Variants in PPM1E observed in about 807,000 individuals in gnomAD.
The protein encoded by PPM1E is protein phosphatase, Mg2+/Mn2+ dependent 1E.
A neutral mutation model predicts 65.9 loss-of-function variants in PPM1E; 20 were observed. The observed-to-expected ratio is 0.30, with a 90% confidence interval of 0.21 to 0.44. PPM1E has a LOEUF of 0.44. PPM1E is among the 20% of genes least tolerant of loss of function. PPM1E has a pLI of 1.00. For missense variants in PPM1E, 713 were observed against 953.1 expected (o/e 0.75, Z 3.32); for synonymous variants, 352 against 374.9 (o/e 0.94, Z 0.70).
At chr17:58,802,495 A>G (rs925438215) in intron 1 of PPM1E, among the ~76,000 whole-genome samples, 1 of 152,214 alleles carries the variant, frequency 6.6e-6, no homozygotes, top group East Asian at 1.9e-4. Flanking sequence ...TTCTTTCTCT[A>G]GATTGCTTTA....
intron 1 of PPM1E, among the ~76,000 whole-genome samples, chr17:58,782,035 A>G (rs1047085302): frequency 4.6e-5 from 7 of 152,194 alleles, no homozygotes; most frequent in Non-Finnish European, 1.0e-4. Context: ...CAGATAAAGG[A>G]TTAAATGAAG....
chr17:58,861,335 A>G (rs2050940255), intron 1 of PPM1E, among the ~76,000 whole-genome samples: 1 of 152,238 alleles, frequency 6.6e-6, no homozygotes, highest in South Asian at 2.1e-4. Context: ...CTTGCAAAGG[A>G]TGACCTTCTC....
chr17:58,895,014 C>T (rs943429799), intron 1 of PPM1E, among the ~76,000 whole-genome samples: 2 of 152,098 alleles, frequency 1.3e-5, no homozygotes, highest in Non-Finnish European at 2.9e-5. Flanking sequence ...TTTTCAACAG[C>T]GTGTGATCAC....
At chr17:58,801,401 C>T (rs544982428) in intron 1 of PPM1E, among the ~76,000 whole-genome samples, 4 of 151,086 alleles carry the variant, frequency 2.6e-5, no homozygotes, top group African/African-American at 7.3e-5. Flanking sequence ...ATAAATGTCC[C>T]CCTTTATCTC....
intron 1 of PPM1E, among the ~76,000 whole-genome samples, chr17:58,813,435 T>C (rs1278110038): frequency 6.6e-6 from 1 of 152,180 alleles, no homozygotes; most frequent in East Asian, 1.9e-4. Context: ...TCGTGCTGGA[T>C]CATTTGCTTT....
intron 1 of PPM1E, among the ~76,000 whole-genome samples, chr17:58,909,924 C>CTTTTTTTTTTTTTTTTTTT (rs35833275): frequency 3.4e-4 from 31 of 90,032 alleles, no homozygotes; most frequent in Non-Finnish European, 4.8e-4. Flanking sequence ...TTTTCTTTTT[C>CTTTTTTTTTTTTTTTTTTT]TTTTTTTTTT....
chr17:58,856,385 T>G (rs1435522149), intron 1 of PPM1E, among the ~76,000 whole-genome samples: 2 of 152,096 alleles, frequency 1.3e-5, no homozygotes, highest in Admixed American at 1.3e-4. Context: ...ATTACAGGCC[T>G]GCGCCACCAT....
chr17:58,788,606 G>C (rs1376048111), intron 1 of PPM1E, among the ~76,000 whole-genome samples: 1 of 152,156 alleles, frequency 6.6e-6, no homozygotes, highest in Non-Finnish European at 1.5e-5. Flanking sequence ...ACATTTAAAA[G>C]AATGTTCAAT....
At chr17:58,922,511 C>T (rs549469078) in intron 1 of PPM1E, among the ~76,000 whole-genome samples, 2 of 152,160 alleles carry the variant, frequency 1.3e-5, no homozygotes, top group South Asian at 4.1e-4. Context: ...ACTTCAGTCT[C>T]CTAAAGTGTT....
chr17:58,878,175 G>A (rs1163334268), intron 1 of PPM1E, among the ~76,000 whole-genome samples: 3 of 152,080 alleles, frequency 2.0e-5, no homozygotes, highest in African/African-American at 4.8e-5. Flanking sequence ...ACTAAATTCA[G>A]TAAAAAACCT....
intron 1 of PPM1E, among the ~76,000 whole-genome samples, chr17:58,938,018 GA>G (rs1314716517): frequency 4.6e-5 from 7 of 151,926 alleles, no homozygotes; most frequent in African/African-American, 1.5e-4. Flanking sequence ...TAATGTTTCA[GA>G]ATACACCCAC....
rs372589817 is a variant in PPM1E at position 58,890,340 on chromosome 17, C to T, written c.465-65309C>T. ...GCATATCAGCATTATGCATGGGGAA[C>T]GTTGTAAACAGCAAGGTTATCAGCA... On this transcript the variant is annotated intron_variant, in intron 1 of 6. Coordinates refer to ENST00000308249, the MANE Select transcript of PPM1E (RefSeq NM_014906.5). 2.0e-4 allele frequency among the ~76,000 whole-genome samples: 31 copies of T among 152,108 alleles called. No individual in the cohort carries two copies. In the South Asian group the frequency reaches 2.9e-3, roughly 14 times the overall value.
intron 6 of PPM1E, among the ~76,000 whole-genome samples, chr17:58,978,025 C>T (rs564134799): frequency 3.3e-5 from 5 of 152,246 alleles, no homozygotes; most frequent in South Asian, 2.1e-4. Flanking sequence ...TACAGGCATG[C>T]GCCTGGCCAA....
chr17:58,881,429 C>T (rs748898928), intron 1 of PPM1E, among the ~76,000 whole-genome samples: 6 of 151,660 alleles, frequency 4.0e-5, no homozygotes, highest in East Asian at 3.9e-4. Flanking sequence ...TTTAGAAGGC[C>T]GAGGTGAGTG....
intron 1 of PPM1E, among the ~76,000 whole-genome samples, chr17:58,787,118 T>C (rs909202117): frequency 1.3e-5 from 2 of 152,208 alleles, no homozygotes; most frequent in African/African-American, 4.8e-5. Flanking sequence ...ATAATCATAT[T>C]TAGTTCTTAC....
intron 1 of PPM1E, among the ~76,000 whole-genome samples, chr17:58,907,067 TCTA>T (rs2051567044): frequency 1.3e-5 from 2 of 152,136 alleles, no homozygotes; most frequent in South Asian, 4.2e-4. Context: ...AAACCCCGTG[TCTA>T]CTAAAAATAC....
intron 1 of PPM1E, among the ~76,000 whole-genome samples, chr17:58,914,799 A>G (rs1053118496): frequency 6.6e-6 from 1 of 152,196 alleles, no homozygotes; most frequent in South Asian, 2.1e-4. Flanking sequence ...ACAATTTTCC[A>G]TAGACTAAAC....
chr17:58,886,804 A>G (rs541984936), intron 1 of PPM1E, among the ~76,000 whole-genome samples: 1 of 152,186 alleles, frequency 6.6e-6, no homozygotes, highest in Non-Finnish European at 1.5e-5. Flanking sequence ...ATTACATATG[A>G]AAGGTTGAGA....
At chr17:58,920,783 G>GTCA (rs903303036) in intron 1 of PPM1E, among the ~76,000 whole-genome samples, 2 of 152,092 alleles carry the variant, frequency 1.3e-5, no homozygotes, top group African/African-American at 4.8e-5. Flanking sequence ...TACAATGGGA[G>GTCA]TCATCAGCAT....
Sources: allele counts gnomAD v4.1 joint callset (sites outside exome capture counted in the v4.1 genomes callset), GRCh38; gene constraint gnomAD v4.1.1; transcripts MANE v1.5; gene names NCBI Gene and HGNC (gene_info 2026-07-23, HGNC 2026-07-21).